VPS8: variants seen among roughly 807,000 people sequenced by gnomAD.
The protein encoded by VPS8 is vacuolar protein sorting-associated protein 8 homolog.
Under a neutral mutation model 216.4 loss-of-function variants are expected in VPS8, and 129 were observed. The ratio of observed to expected loss-of-function variants is 0.60; its 90% CI spans 0.52 to 0.69. The LOEUF is 0.69. Ranked by LOEUF, VPS8 falls within the 30% of genes least tolerant of loss-of-function variation. VPS8 has a pLI of 0.00. For missense variants in VPS8, 1,531 were observed against 1,683.5 expected (o/e 0.91, Z 1.59); for synonymous variants, 571 against 565.4 (o/e 1.01, Z -0.14).
At chr3:184,900,080 A>G (rs1193555988) in intron 24 of VPS8, among the ~76,000 whole-genome samples, 2 of 152,216 alleles carry the variant, frequency 1.3e-5, no homozygotes, top group Non-Finnish European at 2.9e-5. Context: ...GATGACTACT[A>G]TAGTCTCTGA....
rs1174262953 is a variant in VPS8 at position 184,834,704 on chromosome 3, C to A, written c.409C>A (p.Leu137Ile). ...TCATGGATCAGTTATGCGCCATTCACTTTTGAAGGGAATTTCTGCCCAGAT... is the reference window on the plus strand; with the variant it reads ...TCATGGATCAGTTATGCGCCATTCAATTTTGAAGGGAATTTCTGCCCAGAT... ...SLHGSVMRHS[L>I]LKGISAQIVS... The change falls in exon 5 of 48, where the codon CTT becomes ATT. Residue 137 changes from leucine (L) to isoleucine (I), a missense_variant. Physicochemically the swap from Leu to Ile is conservative, Grantham distance 5. This residue lies in a region of VPS8 where 199 missense variants were observed against 182.2 expected (regional missense o/e 1.09). Transcript: ENST00000625842. 6.4e-7 allele frequency: 1 copy of A among 1,564,434 alleles called. No individual in the cohort carries two copies. The highest frequency in any genetic ancestry group is 1.2e-5 in the South Asian group (1 of 85,026).
chr3:184,855,566 C>T, intron 13 of VPS8, 145 bp from the exon 14 acceptor site: 2 of 668,576 alleles, frequency 3.0e-6, no homozygotes, highest in East Asian at 2.7e-5. Context: ...CTCATGATAC[C>T]TCCCAGTTAG....
rs545975071 is a variant in VPS8, at chr3:185,045,341, G to A, written c.4057-3138G>A. Among the ~76,000 whole-genome samples, 140 of 152,264 alleles carry A rather than the reference G, an allele frequency of 9.2e-4. 1 individual carries two copies. Among genetic ancestry groups the A allele is most frequent in the Non-Finnish European group, 1.7e-3 (113 of 68,020 alleles). ...CGAGCTCAGGCTTCTGTGACTGTCC[G>A]TGTCTTCAAGTATGATTTGGAAGGC... On this transcript the variant is annotated intron_variant, in intron 46 of 47. Transcript: ENST00000625842.
In VPS8 at chr3:184,868,971, A is replaced by T. The variant is rs1395658928; in HGVS notation, c.1532A>T (p.Asp511Val). The change falls in exon 19 of 48, where the codon GAT (aspartate) becomes GTT (valine). Residue 511 changes from aspartate (D) to valine (V), a missense_variant. Transcript: ENST00000625842. ...AGAGTGGATCATCTCCTGAAACAAG[A>T]TTGTCTTACAGAAGCGTTGGCTCTT... is the stretch of plus-strand genomic sequence containing the variant. ...RERVDHLLKQ[D>V]CLTEALALAW... 1.9e-6 allele frequency: 3 copies of T among 1,610,380 alleles called. No individual in the cohort carries two copies. Among genetic ancestry groups the T allele is most frequent in the Non-Finnish European group, 2.5e-6 (3 of 1,178,408 alleles).
chr3:184,865,557 C>T (rs988963124), intron 16 of VPS8, among the ~76,000 whole-genome samples: 2 of 152,028 alleles, frequency 1.3e-5, no homozygotes, highest in African/African-American at 4.8e-5. Flanking sequence ...TGCTTCACAC[C>T]CACTGGGAAG....
At chr3:184,957,906 C>T (rs761027288) in intron 37 of VPS8, among the ~76,000 whole-genome samples, 38 of 152,198 alleles carry the variant, frequency 2.5e-4, no homozygotes, top group Non-Finnish European at 5.0e-4. Flanking sequence ...AGATTCCTCC[C>T]GTGCCTGCTG....
At chr3:185,034,488 A>T (rs1758598064) in intron 46 of VPS8, among the ~76,000 whole-genome samples, 1 of 151,696 alleles carries the variant, frequency 6.6e-6, no homozygotes. Context: ...TAATTCTGTT[A>T]TTTGGTTTTT....
intron 19 of VPS8, 29 bp downstream of exon 19, chr3:184,869,065 A>T: frequency 6.3e-7 from 1 of 1,578,262 alleles, no homozygotes; most frequent in Non-Finnish European, 8.6e-7. Context: ...AGTGTAGTAG[A>T]CGTGGTTCTC....
At chr3:184,883,265 T>C (rs183829483) in intron 21 of VPS8, among the ~76,000 whole-genome samples, 6 of 152,320 alleles carry the variant, frequency 3.9e-5, no homozygotes, top group East Asian at 1.9e-4. Context: ...CTATTGTCCT[T>C]GGACAATTTT....
chr3:185,045,153 C>G (rs1159235013), intron 46 of VPS8, among the ~76,000 whole-genome samples: 1 of 43,116 alleles, frequency 2.3e-5, no homozygotes, highest in Non-Finnish European at 4.4e-5. Context: ...CCTACTCCAT[C>G]TCCACCTTCA....
chr3:184,983,148 T>A, intron 42 of VPS8, 54 bp downstream of exon 42: 1 of 1,420,000 alleles, frequency 7.0e-7, no homozygotes, highest in Non-Finnish European at 9.5e-7. Context: ...ATTTTAGTTA[T>A]ATATAAATAA....
At chr3:184,819,943 C>T (rs1717193787) in intron 1 of VPS8, among the ~76,000 whole-genome samples, 1 of 152,060 alleles carries the variant, frequency 6.6e-6, no homozygotes. Flanking sequence ...CTTTTCATTA[C>T]GTGTAAGTGG....
intron 1 of VPS8, among the ~76,000 whole-genome samples, chr3:184,815,034 A>G (rs1716005731): frequency 6.6e-6 from 1 of 152,052 alleles, no homozygotes; most frequent in Non-Finnish European, 1.5e-5. Context: ...AAACACACAC[A>G]TTACTCTAGG....
chr3:184,883,880 G>C (rs193284559), intron 21 of VPS8, among the ~76,000 whole-genome samples: 1 of 152,152 alleles, frequency 6.6e-6, no homozygotes, highest in East Asian at 1.9e-4. Context: ...AAGTCTTGGG[G>C]TATACTACTG....
chr3:185,025,901 G>A (rs999348176), intron 46 of VPS8, among the ~76,000 whole-genome samples: 7 of 152,088 alleles, frequency 4.6e-5, no homozygotes, highest in Admixed American at 1.3e-4. Context: ...CCTCTGTTTC[G>A]TCTTATGTAA....
At chr3:184,998,145 A>G (rs1006700668) in intron 44 of VPS8, among the ~76,000 whole-genome samples, 1 of 152,168 alleles carries the variant, frequency 6.6e-6, no homozygotes, top group Non-Finnish European at 1.5e-5. Flanking sequence ...AGTCTAACTC[A>G]TTTTTATAAT....
intron 45 of VPS8, among the ~76,000 whole-genome samples, chr3:185,000,885 G>T (rs1304781035): frequency 6.6e-6 from 1 of 152,134 alleles, no homozygotes; most frequent in Non-Finnish European, 1.5e-5. Flanking sequence ...GATTACAGGC[G>T]TGAGCCACCG....
rs1740499665 is a variant in VPS8 at position 184,930,580 on chromosome 3, C to T, written c.2898+12C>T. The T allele has an allele frequency of 6.3e-7, 1 of 1,582,186 alleles. No homozygotes were observed. Among genetic ancestry groups the T allele is most frequent in the African/African-American group, 1.3e-5 (1 of 74,316 alleles). Reference sequence around the variant, plus strand: ...TGGATCATATTGAGGTACTGATGCGCAAAACTTCACACTTCACCATCTGAA... The same window carrying T: ...TGGATCATATTGAGGTACTGATGCGTAAAACTTCACACTTCACCATCTGAA... On this transcript the variant is annotated intron_variant, in intron 34 of 47. Transcript: ENST00000625842.
At chr3:185,003,643 T>C (rs1753760425) in intron 45 of VPS8, among the ~76,000 whole-genome samples, 1 of 152,134 alleles carries the variant, frequency 6.6e-6, no homozygotes, top group African/African-American at 2.4e-5. Flanking sequence ...ATTGTCATCA[T>C]GGCCCGTTCT....
Sources: gnomAD v4.1 joint callset for allele counts (sites outside exome capture counted in the v4.1 genomes callset) on GRCh38, gnomAD v4.1.1 for gene constraint, gnomAD v4.1.1 regional missense constraint, MANE v1.5 for transcripts, NCBI Gene and HGNC (gene_info 2026-07-23, HGNC 2026-07-21) for gene names.